ANTXR1: variants seen among roughly 807,000 people sequenced by gnomAD.
ANTXR1 encodes the protein anthrax toxin receptor 1.
Under a neutral mutation model 78.1 loss-of-function variants are expected in ANTXR1, and 19 were observed. The observed-to-expected ratio is 0.24, with a 90% CI of 0.17 to 0.36. The LOEUF (loss-of-function observed/expected upper bound fraction) is 0.36. ANTXR1 is among the 10% of genes least tolerant of loss of function. The pLI is 1.00. For synonymous variants in ANTXR1, 273 were observed against 260.5 expected (o/e 1.05, Z -0.46); for missense variants, 518 against 718.6 (o/e 0.72, Z 3.19).
chr2:69,096,114 C>T (rs1671391889), intron 9 of ANTXR1, among the ~76,000 whole-genome samples: 1 of 151,716 alleles, frequency 6.6e-6, no homozygotes, highest in Non-Finnish European at 1.5e-5. Context: ...AAAAATGAGC[C>T]AGGCGTGGTG....
intron 17 of ANTXR1, among the ~76,000 whole-genome samples, chr2:69,233,428 GA>G (rs1036147508): frequency 2.6e-5 from 4 of 151,346 alleles, no homozygotes; most frequent in African/African-American, 7.3e-5. Context: ...ATTTTTATTA[GA>G]AAAAAATTTA....
intron 1 of ANTXR1, among the ~76,000 whole-genome samples, chr2:69,026,048 T>A (rs1671333808): frequency 6.6e-6 from 1 of 152,242 alleles, no homozygotes; most frequent in Admixed American, 6.5e-5. Flanking sequence ...TTTTCTGGAA[T>A]CCTCACTCCC....
chr2:69,180,500 A>T (rs1182028306), intron 14 of ANTXR1, among the ~76,000 whole-genome samples: 2 of 151,064 alleles, frequency 1.3e-5, no homozygotes, highest in Admixed American at 1.3e-4. Flanking sequence ...CCCTTTTTCC[A>T]TCCACAGTTA....
At chr2:69,119,268 C>T (rs565017999) in intron 10 of ANTXR1, among the ~76,000 whole-genome samples, 1 of 152,276 alleles carries the variant, frequency 6.6e-6, no homozygotes, top group South Asian at 2.1e-4. Context: ...CGCTGCAGTG[C>T]GCTGCCTCGG....
Position 69,186,510 on chromosome 2 carries a change from T to C in ANTXR1, c.1353+3850T>C, listed in dbSNP as rs76779784. On this transcript the variant is annotated intron_variant, in intron 16 of 17. Transcript: ENST00000303714. ...TCCTAATAGGAAACAGAAAGCACAC[T>C]GAAAAGAGTTGAACTAACAGAGATG... Among the ~76,000 whole-genome samples the C allele has an allele frequency of 0.011, 1,725 of 152,272 alleles. 57 individuals are homozygous for C. The East Asian group carries it at 0.13, about 11-fold the overall frequency.
intron 12 of ANTXR1, among the ~76,000 whole-genome samples, chr2:69,145,158 A>C (rs1444829224): frequency 6.6e-6 from 1 of 152,206 alleles, no homozygotes; most frequent in Non-Finnish European, 1.5e-5. Flanking sequence ...GATGGCAGGC[A>C]GGGGGCCTGT....
chr2:69,095,478 T>C (rs1671369599), intron 9 of ANTXR1, among the ~76,000 whole-genome samples: 1 of 152,216 alleles, frequency 6.6e-6, no homozygotes, highest in Non-Finnish European at 1.5e-5. Context: ...GCCTGTGCGA[T>C]GAGGAAATAC....
At chr2:69,100,336 C>G (rs988054052) in intron 9 of ANTXR1, among the ~76,000 whole-genome samples, 1 of 152,220 alleles carries the variant, frequency 6.6e-6, no homozygotes, top group Non-Finnish European at 1.5e-5. Flanking sequence ...AACACAGAAA[C>G]CCTATCAGGC....
intron 17 of ANTXR1, among the ~76,000 whole-genome samples, chr2:69,222,118 G>T (rs1675334572): frequency 1.3e-5 from 2 of 152,132 alleles, no homozygotes; most frequent in South Asian, 4.1e-4. Flanking sequence ...CACTTCTGTG[G>T]CCCAGGTCTC....
intron 2 of ANTXR1, among the ~76,000 whole-genome samples, chr2:69,041,016 A>G (rs1372319254): frequency 6.6e-6 from 1 of 152,190 alleles, no homozygotes; most frequent in Non-Finnish European, 1.5e-5. Context: ...ACCTCAACGC[A>G]TGCCTACCTG....
intron 12 of ANTXR1, among the ~76,000 whole-genome samples, chr2:69,130,117 G>A (rs557398893): frequency 1.8e-4 from 28 of 152,192 alleles, no homozygotes; most frequent in Admixed American, 6.5e-4. Context: ...TAGGATGTAC[G>A]CTCTACACCC....
At chr2:69,105,457 G>A (rs557887790) in intron 10 of ANTXR1, among the ~76,000 whole-genome samples, 12 of 152,314 alleles carry the variant, frequency 7.9e-5, no homozygotes, top group South Asian at 6.2e-4. Flanking sequence ...GAAAAATAGC[G>A]TTTGAGGAAA....
intron 6 of ANTXR1, among the ~76,000 whole-genome samples, chr2:69,074,182 C>G (rs1285996202): frequency 6.6e-6 from 1 of 152,118 alleles, no homozygotes; most frequent in African/African-American, 2.4e-5. Context: ...TGTAGGTAAA[C>G]TCTCCTCCCA....
chr2:69,151,378 G>A (rs1673391223), intron 12 of ANTXR1, among the ~76,000 whole-genome samples: 1 of 152,030 alleles, frequency 6.6e-6, no homozygotes, highest in Non-Finnish European at 1.5e-5. Flanking sequence ...TAGCTGTAGG[G>A]AGGCAGGGTG....
intron 17 of ANTXR1, among the ~76,000 whole-genome samples, chr2:69,199,040 C>T (rs1335607185): frequency 3.9e-5 from 6 of 152,300 alleles, no homozygotes; most frequent in South Asian, 2.1e-4. Flanking sequence ...AACAACACAA[C>T]GGGCTGCCCC....
chr2:69,205,989 A>G (rs1485981688), intron 17 of ANTXR1, among the ~76,000 whole-genome samples: 1 of 152,218 alleles, frequency 6.6e-6, no homozygotes, highest in African/African-American at 2.4e-5. Flanking sequence ...TCGTTCCTAT[A>G]ACATTTGTTT....
intron 10 of ANTXR1, among the ~76,000 whole-genome samples, chr2:69,109,353 G>A (rs772989526): frequency 5.3e-5 from 8 of 151,980 alleles, no homozygotes; most frequent in Middle Eastern, 3.2e-3. Flanking sequence ...AATTCCAAGG[G>A]GACTTTTTAA....
intron 8 of ANTXR1, 147 bp from the exon 9 acceptor site, chr2:69,090,712 T>C (rs1282684066): frequency 1.4e-6 from 1 of 715,466 alleles, no homozygotes; most frequent in East Asian, 2.7e-5. Context: ...TTGGTACTAG[T>C]CAAGATGTTA....
intron 7 of ANTXR1, 83 bp downstream of exon 7, chr2:69,075,741 A>G (rs1670710697): frequency 1.6e-6 from 2 of 1,234,244 alleles, no homozygotes; most frequent in Admixed American, 1.7e-5. Context: ...CAGAGGGAAG[A>G]TCAATGGAAT....
Sources: gnomAD v4.1 joint callset for allele counts (sites outside exome capture counted in the v4.1 genomes callset) on GRCh38, gnomAD v4.1.1 for gene constraint, MANE v1.5 for transcripts, NCBI Gene and HGNC (gene_info 2026-07-23, HGNC 2026-07-21) for gene names.